ROBO2: variants seen among roughly 807,000 people sequenced by gnomAD.
ROBO2 encodes roundabout guidance receptor 2, also known as roundabout homolog 2.
A neutral mutation model predicts 160.8 loss-of-function variants in ROBO2; 53 were observed. That is an observed-to-expected ratio of 0.33 (90% CI 0.26 to 0.41). The LOEUF (loss-of-function observed/expected upper bound fraction) is 0.41. Ranked by LOEUF, ROBO2 falls within the 10% of genes least tolerant of loss-of-function variation. The probability of loss-of-function intolerance (pLI) is 1.00; values close to 1 mark genes in which losing one functional copy is unlikely to be tolerated. For missense variants in ROBO2, 1,577 were observed against 1,722.4 expected, an observed-to-expected ratio of 0.92 and a Z score of 1.49; for synonymous variants, 664 against 611.7, an observed-to-expected ratio of 1.09 and a Z score of -1.26.
At chr3:76,251,630 C>T (rs1706006906) in intron 2 of ROBO2, among the ~76,000 whole-genome samples, 1 of 151,978 alleles carries the variant, frequency 6.6e-6, no homozygotes, top group Non-Finnish European at 1.5e-5. Context: ...CATGAGCATC[C>T]TCTTTTGGAG....
chr3:77,519,796 G>A (rs139394789), intron 5 of ROBO2, among the ~76,000 whole-genome samples: 5 of 151,272 alleles, frequency 3.3e-5, no homozygotes, highest in African/African-American at 7.2e-5. Flanking sequence ...GTATATACAC[G>A]GTAATTGGAT....
In ROBO2 at chr3:77,221,902, T is replaced by C. The variant is rs2085867407; in HGVS notation, c.388+123562T>C. Among the ~76,000 whole-genome samples, 3 of 149,732 alleles carry C rather than the reference T, an allele frequency of 2.0e-5. No homozygotes were observed. The South Asian group carries it at 6.4e-4, about 32-fold the overall frequency. On this transcript the variant is annotated intron_variant, in intron 2 of 25. Coordinates refer to ENST00000461745, the Ensembl canonical transcript of ROBO2. ...AGAGTCTTGCTCTGTCACCAGTCTG[T>C]ACTGCAGTGGCACGATCTCGGCTCA...
chr3:76,842,657 G>A (rs768881058), intron 2 of ROBO2, among the ~76,000 whole-genome samples: 29 of 152,098 alleles, frequency 1.9e-4, no homozygotes, highest in Admixed American at 7.9e-4. Flanking sequence ...TGCGAGAACC[G>A]ATATTGTTAT....
At chr3:77,515,179 C>G (rs2089874714) in intron 5 of ROBO2, among the ~76,000 whole-genome samples, 1 of 151,688 alleles carries the variant, frequency 6.6e-6, no homozygotes, top group African/African-American at 2.4e-5. Flanking sequence ...CTTTCTCTGA[C>G]CTGAGACACT....
At chr3:76,140,622 C>T (rs2071597479) in intron 2 of ROBO2, among the ~76,000 whole-genome samples, 1 of 151,918 alleles carries the variant, frequency 6.6e-6, no homozygotes, top group African/African-American at 2.4e-5. Flanking sequence ...TGCCTTTTTT[C>T]AGAGTGTTCC....
rs529542700 is a variant in ROBO2 at position 75,967,446 on chromosome 3, G to A, written c.109+29844G>A. Among the ~76,000 whole-genome samples, 5 of 151,518 alleles carry A rather than the reference G, an allele frequency of 3.3e-5. 1 individual carries two copies. Among genetic ancestry groups the A allele is most frequent in the African/African-American group, 9.7e-5 (4 of 41,418 alleles). ...CTCAACTTTTAAAATAATTCTAGGT[G>A]TCCCTAGGATTACTATATATTAATG... is the stretch of plus-strand genomic sequence containing the variant. On this transcript the variant is annotated intron_variant, in intron 2 of 26. Coordinates refer to the ROBO2 transcript ENST00000487694.
intron 1 of ROBO2, among the ~76,000 whole-genome samples, chr3:77,082,066 T>A (rs1343251920): frequency 6.6e-6 from 1 of 152,222 alleles, no homozygotes; most frequent in Non-Finnish European, 1.5e-5. Flanking sequence ...TGTATACTAA[T>A]TGATATAACT....
chr3:76,162,576 G>A (rs2106930675), intron 2 of ROBO2, among the ~76,000 whole-genome samples: 1 of 152,154 alleles, frequency 6.6e-6, no homozygotes. Context: ...GCCTCCCAAG[G>A]TTCTGGGATT....
chr3:76,960,967 G>C (rs1319996445), intron 2 of ROBO2, among the ~76,000 whole-genome samples: 2 of 152,020 alleles, frequency 1.3e-5, no homozygotes, highest in Non-Finnish European at 2.9e-5. Flanking sequence ...ACAAGCAGTG[G>C]TTTCTCTAAG....
chr3:76,444,029 A>G (rs139907249), intron 2 of ROBO2, among the ~76,000 whole-genome samples: 9,604 of 152,128 alleles, frequency 0.063, 1,009 homozygotes, highest in African/African-American at 0.22. Context: ...GCAGTGGCAC[A>G]ATCTTGGCTC....
intron 2 of ROBO2, among the ~76,000 whole-genome samples, chr3:76,214,409 C>T (rs1377632071): frequency 6.6e-6 from 1 of 152,174 alleles, no homozygotes; most frequent in Non-Finnish European, 1.5e-5. Context: ...ATTCCCTTTC[C>T]TAGTGAAAGA....
intron 2 of ROBO2, among the ~76,000 whole-genome samples, chr3:77,169,573 C>T (rs763798216): frequency 1.3e-5 from 2 of 152,040 alleles, no homozygotes; most frequent in East Asian, 3.9e-4. Context: ...TTCAGAATAT[C>T]GTTTCTGAAA....
intron 19 of ROBO2, among the ~76,000 whole-genome samples, chr3:77,598,182 T>C (rs2094349320): frequency 6.6e-6 from 1 of 152,046 alleles, no homozygotes; most frequent in African/African-American, 2.4e-5. Flanking sequence ...TAATTTCATA[T>C]GTATGAGTAT....
chr3:76,707,075 G>GTA (rs1396857779), intron 2 of ROBO2, among the ~76,000 whole-genome samples: 1 of 152,012 alleles, frequency 6.6e-6, no homozygotes, highest in East Asian at 1.9e-4. Context: ...TTCTGTGTGT[G>GTA]TATATATAGT....
At chr3:77,047,693 T>A (rs995586630) in intron 1 of ROBO2, among the ~76,000 whole-genome samples, 15 of 147,920 alleles carry the variant, frequency 1.0e-4, no homozygotes, top group Non-Finnish European at 1.8e-4. Flanking sequence ...CTCAAAAAAA[T>A]ATATATAATG....
chr3:75,961,035 G>A (rs1016116622), intron 2 of ROBO2, among the ~76,000 whole-genome samples: 5 of 151,566 alleles, frequency 3.3e-5, no homozygotes, highest in African/African-American at 4.8e-5. Context: ...TATTCAGTAA[G>A]TTATTTGTAA....
At chr3:77,019,560 A>G (rs1234212804) in intron 2 of ROBO2, among the ~76,000 whole-genome samples, 13 of 152,178 alleles carry the variant, frequency 8.5e-5, no homozygotes, top group Non-Finnish European at 1.5e-5. Flanking sequence ...TCATGAGCCG[A>G]TGGGCCTTGA....
chr3:77,025,027 TA>T (rs2062877547), intron 2 of ROBO2, among the ~76,000 whole-genome samples: 1 of 152,102 alleles, frequency 6.6e-6, no homozygotes, highest in African/African-American at 2.4e-5. Context: ...GGCAGTAAAT[TA>T]ATTTAGTGTG....
intron 2 of ROBO2, among the ~76,000 whole-genome samples, chr3:76,899,645 A>C: frequency 6.6e-6 from 1 of 152,254 alleles, no homozygotes; most frequent in East Asian, 1.9e-4. Context: ...TTAATCAAAC[A>C]TTTATTGAAT....
Sources: allele counts gnomAD v4.1 joint callset (sites outside exome capture counted in the v4.1 genomes callset), GRCh38; gene constraint gnomAD v4.1.1; transcripts MANE v1.5; gene names NCBI Gene and HGNC (gene_info 2026-07-23, HGNC 2026-07-21).